Variants in GALNT13 observed in about 807,000 individuals in gnomAD.
GALNT13 encodes the protein polypeptide N-acetylgalactosaminyltransferase 13.
In GALNT13, 28 loss-of-function variants were observed where a neutral mutation model predicts 64.2. The ratio of observed to expected loss-of-function variants is 0.44; its 90% CI spans 0.32 to 0.60. The LOEUF (loss-of-function observed/expected upper bound fraction) is 0.60, where lower values mean the gene tolerates loss of function less well. Ranked by LOEUF, GALNT13 falls within the 20% of genes least tolerant of loss-of-function variation. The probability of loss-of-function intolerance (pLI) is 0.05; values close to 1 mark genes in which losing one functional copy is unlikely to be tolerated. For missense variants in GALNT13, 577 were observed against 669.8 expected (o/e 0.86, Z 1.53); for synonymous variants, 214 against 224.6 (o/e 0.95, Z 0.42).
chr2:153,371,653 CTT>C, the GALNT13 span, among the ~76,000 whole-genome samples: 2 of 152,062 alleles, frequency 1.3e-5, no homozygotes, highest in African/African-American at 2.4e-5. Flanking sequence ...ATAATCATAA[CTT>C]AAATTGAGAG....
At chr2:154,410,193 G>T (rs1347809966) in intron 11 of GALNT13, among the ~76,000 whole-genome samples, 2 of 151,882 alleles carry the variant, frequency 1.3e-5, no homozygotes, top group Non-Finnish European at 2.9e-5. Flanking sequence ...TCCATTTATT[G>T]TTTCACTGAT....
chr2:153,983,752 G>A (rs1046653043), intron 3 of GALNT13, among the ~76,000 whole-genome samples: 1 of 151,926 alleles, frequency 6.6e-6, no homozygotes, highest in African/African-American at 2.4e-5. Context: ...TAAACATGCT[G>A]TTTAACATGT....
At chr2:154,131,510 A>G (rs932522558) in intron 3 of GALNT13, among the ~76,000 whole-genome samples, 1 of 152,146 alleles carries the variant, frequency 6.6e-6, no homozygotes. Flanking sequence ...TCTTATGTCC[A>G]TTAAGAAACT....
chr2:154,082,054 T>C (rs1701297690), intron 3 of GALNT13, among the ~76,000 whole-genome samples: 2 of 151,760 alleles, frequency 1.3e-5, no homozygotes, highest in African/African-American at 4.8e-5. Context: ...ATTCCCTAGG[T>C]ACATAACCCT....
the GALNT13 span, among the ~76,000 whole-genome samples, chr2:153,074,587 A>G: frequency 1.6e-4 from 25 of 152,186 alleles, no homozygotes; most frequent in African/African-American, 6.0e-4. Context: ...CTACAATGTT[A>G]CCATGGCTAC....
chr2:153,196,732 G>A, the GALNT13 span, among the ~76,000 whole-genome samples: 1 of 152,118 alleles, frequency 6.6e-6, no homozygotes, highest in Non-Finnish European at 1.5e-5. Context: ...ACTGGTGGGT[G>A]GCTCGTCCTG....
At chr2:153,317,657 C>T in the GALNT13 span, among the ~76,000 whole-genome samples, 1 of 151,998 alleles carries the variant, frequency 6.6e-6, no homozygotes, top group African/African-American at 2.4e-5. Flanking sequence ...TGATACCAGG[C>T]AGTTACTCTC....
chr2:153,278,303 G>T, the GALNT13 span, among the ~76,000 whole-genome samples: 1 of 152,072 alleles, frequency 6.6e-6, no homozygotes, highest in Admixed American at 6.5e-5. Flanking sequence ...CATTCTGTAG[G>T]TTGTCTGTTT....
chr2:153,892,606 T>G (rs1161789049), intron 1 of GALNT13, among the ~76,000 whole-genome samples: 1 of 152,048 alleles, frequency 6.6e-6, no homozygotes, highest in Admixed American at 6.6e-5. Context: ...AGAAATTTAT[T>G]TTTACAGTGT....
the GALNT13 span, among the ~76,000 whole-genome samples, chr2:153,662,467 C>T: frequency 6.6e-6 from 1 of 152,188 alleles, no homozygotes; most frequent in Non-Finnish European, 1.5e-5. Context: ...AGATTCATTT[C>T]TGTAATTACT....
chr2:153,760,237 C>T, the GALNT13 span, among the ~76,000 whole-genome samples: 1 of 151,800 alleles, frequency 6.6e-6, no homozygotes, highest in African/African-American at 2.4e-5. Context: ...TTATTGATTT[C>T]ATAGATTTTC....
At chr2:153,661,823 C>A in the GALNT13 span, among the ~76,000 whole-genome samples, 1 of 152,056 alleles carries the variant, frequency 6.6e-6, no homozygotes, top group Non-Finnish European at 1.5e-5. Flanking sequence ...ATTTTTAATA[C>A]TTGAGACCAT....
At chr2:154,410,219 C>T (rs1477067584) in intron 11 of GALNT13, among the ~76,000 whole-genome samples, 1 of 151,852 alleles carries the variant, frequency 6.6e-6, no homozygotes, top group Non-Finnish European at 1.5e-5. Flanking sequence ...ATGAATGTGA[C>T]AGGCCTCTAC....
At chr2:154,076,963 G>A (rs1188548040) in intron 3 of GALNT13, among the ~76,000 whole-genome samples, 2 of 151,514 alleles carry the variant, frequency 1.3e-5, no homozygotes, top group Non-Finnish European at 1.5e-5. Context: ...TTCCTAAGGT[G>A]GTCTCTAAAA....
chr2:153,432,178 T>G, the GALNT13 span, among the ~76,000 whole-genome samples: 5 of 152,196 alleles, frequency 3.3e-5, no homozygotes, highest in African/African-American at 4.8e-5. Flanking sequence ...TAGAGTGGAT[T>G]CTTACAGAGG....
At chr2:154,208,736 T>G (rs1443385705) in intron 4 of GALNT13, among the ~76,000 whole-genome samples, 1 of 151,222 alleles carries the variant, frequency 6.6e-6, no homozygotes, top group African/African-American at 2.4e-5. Context: ...TATACTTTTA[T>G]TACCTCAAAT....
the GALNT13 span, among the ~76,000 whole-genome samples, chr2:153,586,428 A>C: frequency 6.6e-6 from 1 of 152,192 alleles, no homozygotes; most frequent in Non-Finnish European, 1.5e-5. Context: ...CTTTAAGTTA[A>C]AAACAGTAAA....
chr2:153,690,564 C>A, the GALNT13 span, among the ~76,000 whole-genome samples: 2 of 152,142 alleles, frequency 1.3e-5, no homozygotes, highest in Non-Finnish European at 2.9e-5. Context: ...GTGATGGGGA[C>A]TTACAAAGGT....
chr2:153,668,195 C>T, the GALNT13 span, among the ~76,000 whole-genome samples: 1 of 151,982 alleles, frequency 6.6e-6, no homozygotes, highest in Non-Finnish European at 1.5e-5. Flanking sequence ...CAGTATTAGA[C>T]CATTTAGACA....
Sources: gnomAD v4.1 joint callset for allele counts (sites outside exome capture counted in the v4.1 genomes callset) on GRCh38, gnomAD v4.1.1 for gene constraint, MANE v1.5 for transcripts, NCBI Gene and HGNC (gene_info 2026-07-23, HGNC 2026-07-21) for gene names.